The following WAC variants were observed in gnomAD, a reference collection of about 807,000 sequenced individuals.
WAC encodes the protein WW domain-containing adapter protein with coiled-coil.
In WAC, 11 loss-of-function variants were observed where a neutral mutation model predicts 79.6. That is an observed-to-expected ratio of 0.14 (90% CI 0.09 to 0.23). The LOEUF is 0.23. Ranked by LOEUF, WAC falls within the 10% of genes least tolerant of loss-of-function variation. The probability of loss-of-function intolerance (pLI) is 1.00; values close to 1 mark genes in which losing one functional copy is unlikely to be tolerated. For missense variants in WAC, 728 were observed against 773.5 expected (o/e 0.94, Z 0.70); for synonymous variants, 304 against 276.9 (o/e 1.10, Z -0.97).
At chr10:28,585,147 CAAAG>C (rs1421998305) in intron 4 of WAC, among the ~76,000 whole-genome samples, 1 of 151,900 alleles carries the variant, frequency 6.6e-6, no homozygotes, top group African/African-American at 2.4e-5. Flanking sequence ...TGAAAAAAAA[CAAAG>C]GAACCCTCAG....
At chr10:28,616,051 CAA>C in intron 11 of WAC, 120 bp from the exon 12 acceptor site, 1 of 785,032 alleles carries the variant, frequency 1.3e-6, no homozygotes, top group Admixed American at 3.3e-5. Context: ...ATTAAAATAA[CAA>C]ATTTTTCTTA....
chr10:28,578,021 T>C (rs372925342), intron 3 of WAC, among the ~76,000 whole-genome samples: 2 of 152,118 alleles, frequency 1.3e-5, no homozygotes, highest in Admixed American at 6.5e-5. Context: ...TAGTGGGACA[T>C]GGTAGCGTAT....
rs922781893 is a variant in WAC, at chr10:28,620,129, G to C, written c.*523G>C. 2 of 152,600 alleles carry C rather than the reference G, an allele frequency of 1.3e-5. No homozygotes were observed. Among genetic ancestry groups the C allele is most frequent in the African/African-American group, 4.8e-5 (2 of 41,444 alleles). The allele number at this position is 152,600 out of a possible 1,614,324, so 9.5% of individuals were successfully genotyped here. A position where few individuals can be genotyped will look rare whatever the true frequency, so the allele number is the denominator to read the frequency against. The stretch of plus-strand genomic sequence containing the variant: ...TGTTTCCACACTTGCACCTGATCAA[G>C]AGCAGTGCTTCTCCATTTGTTTTGC... On this transcript the variant is annotated 3_prime_UTR_variant, in exon 14 of 14. Transcript: ENST00000354911.
intron 3 of WAC, among the ~76,000 whole-genome samples, chr10:28,539,982 T>C (rs766304545): frequency 1.3e-5 from 2 of 152,226 alleles, no homozygotes; most frequent in Non-Finnish European, 2.9e-5. Flanking sequence ...GTAGGGATTA[T>C]TTGGTGATAA....
In WAC at chr10:28,563,175, GA is replaced by G. The variant is rs35717134; in HGVS notation, c.275-20223del. 4.8e-3 allele frequency among the ~76,000 whole-genome samples: 724 copies of G among 152,166 alleles called. 18 individuals are homozygous for G. In the East Asian group the frequency reaches 0.057, roughly 12 times the overall value. ...CTGCCTTGGCCTCCCAAAGTGCTGG[GA>G]TTACAGGTGTGAGTCACCGCATGTG... On this transcript the variant is annotated intron_variant, in intron 3 of 13. Coordinates refer to ENST00000354911, the MANE Select transcript of WAC (RefSeq NM_016628.5).
At chr10:28,541,955 C>T (rs1564373312) in intron 3 of WAC, among the ~76,000 whole-genome samples, 1 of 152,110 alleles carries the variant, frequency 6.6e-6, no homozygotes, top group Non-Finnish European at 1.5e-5. Context: ...CACCTCACAT[C>T]TCTCTCAAGC....
At chr10:28,612,020 G>A in intron 10 of WAC, 98 bp downstream of exon 10, 2 of 1,425,786 alleles carry the variant, frequency 1.4e-6, no homozygotes, top group South Asian at 1.3e-5. Flanking sequence ...CTCTGAGAAT[G>A]AGGTGTAGTG....
chr10:28,582,589 G>A (rs1839594420), intron 3 of WAC, among the ~76,000 whole-genome samples: 1 of 152,140 alleles, frequency 6.6e-6, no homozygotes. Context: ...AAAAATACCA[G>A]TTGGATTATG....
intron 9 of WAC, chr10:28,611,289 A>T: frequency 7.7e-7 from 1 of 1,292,670 alleles, no homozygotes; most frequent in South Asian, 1.2e-5. Flanking sequence ...AAATGGAGAG[A>T]GATACACATA....
intron 3 of WAC, among the ~76,000 whole-genome samples, chr10:28,571,640 C>T (rs1325313227): frequency 6.6e-6 from 1 of 152,240 alleles, no homozygotes; most frequent in Non-Finnish European, 1.5e-5. Context: ...GAAAGCGCAG[C>T]ATGTACTTGA....
intron 13 of WAC, among the ~76,000 whole-genome samples, chr10:28,618,700 A>G (rs1589252420): frequency 6.6e-6 from 1 of 152,358 alleles, no homozygotes; most frequent in East Asian, 1.9e-4. Context: ...GAGTAAAAAC[A>G]GGAAATATTT....
At position 28,610,975 on chromosome 10, in the gene WAC, A is replaced by G. The variant is rs888333244; in HGVS notation, c.1288+154A>G. The G allele has an allele frequency of 2.4e-5, 19 of 782,678 alleles. No individual in the cohort carries two copies. The African/African-American group carries it at 3.2e-4, about 13-fold the overall frequency. 48.5% of individuals were successfully genotyped at this position (782,678 alleles called of 1,614,324 possible). A position where few individuals can be genotyped will look rare whatever the true frequency, so the allele number is the denominator to read the frequency against. On this transcript the variant is annotated intron_variant, in intron 9 of 13. Transcript: ENST00000354911. The stretch of plus-strand genomic sequence containing the variant: ...ATTTTGTTTTTTTTGTAACACTGGC[A>G]TATACAGTAGTATTTTTATTTCCTT...
intron 3 of WAC, among the ~76,000 whole-genome samples, chr10:28,547,768 C>T (rs578037168): frequency 6.6e-6 from 1 of 152,152 alleles, no homozygotes; most frequent in African/African-American, 2.4e-5. Context: ...TACTCTCCTA[C>T]CCAGCTTGAA....
intron 7 of WAC, 30 bp from the exon 8 acceptor site, chr10:28,608,156 A>AT (rs759951473): frequency 6.2e-7 from 1 of 1,610,448 alleles, no homozygotes; most frequent in African/African-American, 1.3e-5. Context: ...TATTCAGGTA[A>AT]TTTTTCAGGC....
chr10:28,580,347 T>A (rs995664396), intron 3 of WAC, among the ~76,000 whole-genome samples: 9 of 152,232 alleles, frequency 5.9e-5, no homozygotes, highest in African/African-American at 2.2e-4. Flanking sequence ...TCAGGAATAG[T>A]CACTAAAGCG....
chr10:28,554,308 A>C (rs913087556), intron 3 of WAC, among the ~76,000 whole-genome samples: 2 of 152,236 alleles, frequency 1.3e-5, no homozygotes, highest in African/African-American at 4.8e-5. Flanking sequence ...ATACTGAGAC[A>C]TGACTGTACC....
intron 3 of WAC, among the ~76,000 whole-genome samples, chr10:28,562,770 G>A (rs1001165116): frequency 2.0e-5 from 3 of 152,172 alleles, no homozygotes; most frequent in African/African-American, 7.2e-5. Context: ...TAATGACAGT[G>A]ATAGAATGAA....
chr10:28,593,346 G>A (rs976741532), intron 6 of WAC, among the ~76,000 whole-genome samples: 3 of 152,136 alleles, frequency 2.0e-5, no homozygotes, highest in Admixed American at 6.6e-5. Flanking sequence ...ACCAATAAAA[G>A]AACTTTAGGG....
At chr10:28,610,968 C>T in intron 9 of WAC, 147 bp downstream of exon 9, 1 of 823,448 alleles carries the variant, frequency 1.2e-6, no homozygotes, top group Non-Finnish European at 1.8e-6. Context: ...TTTTTTGTAA[C>T]ACTGGCATAT....
Sources: allele counts gnomAD v4.1 joint callset (sites outside exome capture counted in the v4.1 genomes callset), GRCh38; gene constraint gnomAD v4.1.1; transcripts MANE v1.5; gene names NCBI Gene and HGNC (gene_info 2026-07-23, HGNC 2026-07-21).